Variants in CFAP54 observed in about 807,000 individuals in gnomAD.
CFAP54 encodes cilia and flagella associated protein 54, also known as cilia- and flagella-associated protein 54.
CFAP54 carries 290 observed loss-of-function variants against 370.4 expected under a neutral mutation model. The observed-to-expected ratio is 0.78, with a 90% CI of 0.71 to 0.86. The LOEUF is 0.86. Among genes scored for constraint, CFAP54 ranks in the 40% least tolerant of loss-of-function variants. The pLI is 0.00. For missense variants in CFAP54, 3,399 were observed against 3,528.7 expected (o/e 0.96, Z 0.93); for synonymous variants, 1,206 against 1,236.5 (o/e 0.98, Z 0.52).
intron 20 of CFAP54, among the ~76,000 whole-genome samples, chr12:96,577,262 A>G (rs1222793452): frequency 6.6e-6 from 1 of 152,174 alleles, no homozygotes; most frequent in Non-Finnish European, 1.5e-5. Context: ...AATTCCAACC[A>G]TATTATAAAC....
At chr12:96,540,249 T>TAGCTACAGAGTAGCTGGGATTACA (rs1444465329) in intron 13 of CFAP54, 1 of 152,202 alleles carries the variant, frequency 6.6e-6, no homozygotes, top group East Asian at 1.9e-4. Flanking sequence ...ATTACAGGTG[T>TAGCTACAGAGTAGCTGGGATTACA]GCGCCAATAC....
At chr12:96,835,574 C>T (rs1298076311) in intron 66 of CFAP54, among the ~76,000 whole-genome samples, 2 of 152,186 alleles carry the variant, frequency 1.3e-5, no homozygotes, top group South Asian at 4.1e-4. Flanking sequence ...CCCGACTTTG[C>T]TCTGTGATTG....
Position 96,671,081 on chromosome 12 carries a change from T to C in CFAP54, c.5563+7149T>C, listed in dbSNP as rs1366113061. Among the ~76,000 whole-genome samples, 4 of 152,320 alleles carry C rather than the reference T, an allele frequency of 2.6e-5. No homozygotes were observed. In the East Asian group the frequency reaches 7.7e-4, roughly 29 times the overall value. On this transcript the variant is annotated intron_variant, in intron 39 of 67. Transcript: ENST00000524981. ...TCCATCTCCTGGGTTCAAGCGATTC[T>C]CCTGCCTCATCCTCCTGAGTAGCTG...
At position 96,554,801 on chromosome 12, in the gene CFAP54, A is replaced by C. The variant is rs1260985726; in HGVS notation, c.2409A>C (p.Gln803His). 2 of 1,532,780 alleles carry C rather than the reference A, an allele frequency of 1.3e-6. No individual in the cohort carries two copies. The highest frequency in any genetic ancestry group is 4.9e-5 in the East Asian group (2 of 40,792). The allele number at this position is 1,532,780 out of a possible 1,614,324, so 94.9% of individuals were successfully genotyped here. ...RIAVVLLDKL[Q>H]VLQTPTVSKD... Reference sequence around the variant, plus strand: ...CTGTTGTGCTTCTGGACAAATTGCAAGGTAGTAGTCACTAAAGCAAGTAAC... The same window carrying C: ...CTGTTGTGCTTCTGGACAAATTGCACGGTAGTAGTCACTAAAGCAAGTAAC... The change falls in exon 17 of 68, where the codon CAA (glutamine) becomes CAC (histidine). Residue 803 changes from glutamine (Q) to histidine (H), a missense_variant and splice_region_variant. By Grantham distance (24) the Gln-to-His change is conservative. Coordinates refer to ENST00000524981, the MANE Select transcript of CFAP54 (RefSeq NM_001306084.2).
chr12:96,687,251 A>C (rs927953018), intron 42 of CFAP54, among the ~76,000 whole-genome samples: 1 of 152,058 alleles, frequency 6.6e-6, no homozygotes, highest in African/African-American at 2.4e-5. Context: ...TAATTTAATC[A>C]CATCTGCGAA....
At position 96,564,626 on chromosome 12, in the gene CFAP54, A is replaced by C. The variant is rs755595687; in HGVS notation, c.2498-18A>C. 19 of 649,984 alleles carry C rather than the reference A, an allele frequency of 2.9e-5. No individual in the cohort carries two copies. Among genetic ancestry groups the C allele is most frequent in the Non-Finnish European group, 5.2e-5 (19 of 364,886 alleles). The allele number at this position is 649,984 out of a possible 1,614,324, so 40.3% of individuals were successfully genotyped here. On this transcript the variant is annotated intron_variant, in intron 18 of 67. Transcript: ENST00000524981. ...AGTTTTTAATCTCACCTTTTTGGTA[A>C]AATGTTTGTTTTTATAGAATTAAAT...
intron 66 of CFAP54, among the ~76,000 whole-genome samples, chr12:96,833,119 G>A (rs1193873288): frequency 1.3e-5 from 2 of 152,150 alleles, no homozygotes; most frequent in Non-Finnish European, 2.9e-5. Flanking sequence ...GGGAACGAGT[G>A]CCCCATGCTT....
intron 60 of CFAP54, among the ~76,000 whole-genome samples, chr12:96,779,066 C>G (rs1286678767): frequency 2.1e-5 from 3 of 145,022 alleles, no homozygotes; most frequent in Non-Finnish European, 4.5e-5. Context: ...GAGATCGTGC[C>G]ATCGCACTCC....
At chr12:96,680,186 A>G (rs1957254950) in intron 40 of CFAP54, among the ~76,000 whole-genome samples, 1 of 152,348 alleles carries the variant, frequency 6.6e-6, no homozygotes, top group Admixed American at 6.5e-5. Context: ...AGCATCAACA[A>G]GATTTCTTAT....
At chr12:96,547,684 GTAAT>G (rs1194313541) in intron 14 of CFAP54, among the ~76,000 whole-genome samples, 4 of 152,210 alleles carry the variant, frequency 2.6e-5, no homozygotes, top group Non-Finnish European at 4.4e-5. Context: ...TAATTAAAAA[GTAAT>G]TAATTTAGCA....
At chr12:96,577,876 C>T (rs946614675) in intron 20 of CFAP54, among the ~76,000 whole-genome samples, 1 of 151,988 alleles carries the variant, frequency 6.6e-6, no homozygotes, top group East Asian at 1.9e-4. Context: ...TCCTGGCCAA[C>T]ATGGTAAAAC....
At chr12:96,603,625 C>G (rs959657584) in intron 26 of CFAP54, among the ~76,000 whole-genome samples, 1 of 152,188 alleles carries the variant, frequency 6.6e-6, no homozygotes, top group Non-Finnish European at 1.5e-5. Context: ...TTCACATAGT[C>G]CCATATTTCT....
At chr12:96,495,815 T>C (rs1451490465) in intron 1 of CFAP54, among the ~76,000 whole-genome samples, 1 of 152,210 alleles carries the variant, frequency 6.6e-6, no homozygotes, top group South Asian at 2.1e-4. Flanking sequence ...TTTTTCTTTC[T>C]TATTATATAA....
intron 26 of CFAP54, among the ~76,000 whole-genome samples, chr12:96,620,467 C>T (rs967713882): frequency 6.6e-5 from 10 of 152,226 alleles, no homozygotes; most frequent in African/African-American, 2.4e-4. Flanking sequence ...GCCCCTCATT[C>T]ACCTTCAGCC....
chr12:96,557,077 G>A (rs1180645708), intron 17 of CFAP54, among the ~76,000 whole-genome samples: 1 of 152,090 alleles, frequency 6.6e-6, no homozygotes, highest in African/African-American at 2.4e-5. Flanking sequence ...ATAAAATCAA[G>A]GTGTCAACCG....
intron 26 of CFAP54, among the ~76,000 whole-genome samples, chr12:96,621,319 A>G (rs1262791383): frequency 6.6e-6 from 1 of 152,226 alleles, no homozygotes; most frequent in Admixed American, 6.5e-5. Flanking sequence ...ATCAGAAGGT[A>G]TATGGCTGTG....
chr12:96,753,659 G>A, intron 55 of CFAP54, 84 bp from the exon 56 acceptor site: 1 of 1,314,404 alleles, frequency 7.6e-7, no homozygotes, highest in South Asian at 1.4e-5. Flanking sequence ...TTTCATTACT[G>A]TGAGAGCAGT....
intron 32 of CFAP54, among the ~76,000 whole-genome samples, chr12:96,637,003 C>A (rs113681238): frequency 7.9e-5 from 12 of 152,316 alleles, no homozygotes; most frequent in African/African-American, 2.9e-4. Flanking sequence ...AGTACATTTT[C>A]ATTTACCCAG....
intron 66 of CFAP54, among the ~76,000 whole-genome samples, chr12:96,834,556 G>A (rs894796356): frequency 1.3e-5 from 2 of 152,232 alleles, no homozygotes; most frequent in African/African-American, 4.8e-5. Context: ...TCTCTGCAAG[G>A]CTGCAGCTGG....
Sources: gnomAD v4.1 joint callset for allele counts (sites outside exome capture counted in the v4.1 genomes callset) on GRCh38, gnomAD v4.1.1 for gene constraint, MANE v1.5 for transcripts, NCBI Gene and HGNC (gene_info 2026-07-23, HGNC 2026-07-21) for gene names.